Variants in TENM2 observed in about 807,000 individuals in gnomAD.
TENM2 encodes teneurin-2.
Under a neutral mutation model 245.2 loss-of-function variants are expected in TENM2, and 52 were observed. That is an observed-to-expected ratio of 0.21 (90% CI 0.17 to 0.27). TENM2 has a LOEUF of 0.27. Among genes scored for constraint, TENM2 ranks in the 10% least tolerant of loss-of-function variants. The pLI, the probability that TENM2 is intolerant of heterozygous loss-of-function variation, is 1.00. For synonymous variants in TENM2, 1,363 were observed against 1,438.9 expected, an observed-to-expected ratio of 0.95 and a Z score of 1.19; for missense variants, 3,046 against 3,666.8, an observed-to-expected ratio of 0.83 and a Z score of 4.37.
chr5:167,806,443 G>A (rs1376861642), intron 2 of TENM2, among the ~76,000 whole-genome samples: 1 of 152,054 alleles, frequency 6.6e-6, no homozygotes, highest in Non-Finnish European at 1.5e-5. Flanking sequence ...GTCCAGAATA[G>A]CTTCAGACAT....
At chr5:167,516,919 T>C (rs140689938) in intron 2 of TENM2, among the ~76,000 whole-genome samples, 2 of 152,354 alleles carry the variant, frequency 1.3e-5, no homozygotes, top group East Asian at 1.9e-4. Flanking sequence ...GCACAAGATA[T>C]GTATTTTTGA....
chr5:167,854,926 G>A (rs1770929205), intron 2 of TENM2, among the ~76,000 whole-genome samples: 1 of 152,026 alleles, frequency 6.6e-6, no homozygotes, highest in African/African-American at 2.4e-5. Flanking sequence ...GACCTGGATG[G>A]ATTATTCTTA....
At chr5:168,262,490 G>C in exon 29 of TENM2, 1 of 1,559,164 alleles carries the variant, frequency 6.4e-7, no homozygotes, top group East Asian at 2.4e-5. Flanking sequence ...CACGAACATT[G>C]AGTTCCAGTA....
intron 2 of TENM2, among the ~76,000 whole-genome samples, chr5:167,775,703 C>A (rs528715027): frequency 6.6e-6 from 1 of 151,940 alleles, no homozygotes; most frequent in East Asian, 1.9e-4. Flanking sequence ...AAAAAATAAA[C>A]AAGACATGGT....
intron 13 of TENM2, chr5:168,165,186 CAG>C (rs1758106740): frequency 6.6e-6 from 1 of 152,142 alleles, no homozygotes; most frequent in Admixed American, 6.5e-5. Flanking sequence ...TTTCCTGAAA[CAG>C]AGCCAAAGAG....
At chr5:167,715,641 C>G (rs1028687126) in intron 2 of TENM2, among the ~76,000 whole-genome samples, 2 of 152,138 alleles carry the variant, frequency 1.3e-5, no homozygotes, top group Non-Finnish European at 2.9e-5. Context: ...ATTGCTCAAT[C>G]GGTTTCATAT....
chr5:168,192,043 C>G (rs78632218), intron 14 of TENM2, among the ~76,000 whole-genome samples: 5,928 of 152,184 alleles, frequency 0.039, 347 homozygotes, highest in African/African-American at 0.13. Context: ...AATCTCAGCC[C>G]TCTTCTATTT....
chr5:167,925,901 G>A (rs1777720998), intron 3 of TENM2, among the ~76,000 whole-genome samples: 1 of 152,166 alleles, frequency 6.6e-6, no homozygotes. Context: ...GGAGCTAAAT[G>A]ATAAGAACTT....
the TENM2 span, among the ~76,000 whole-genome samples, chr5:167,043,054 A>G: frequency 1.3e-5 from 2 of 152,222 alleles, no homozygotes; most frequent in African/African-American, 4.8e-5. Flanking sequence ...GATCTCCAAA[A>G]TAAATTTGTT....
chr5:167,580,370 G>A (rs1775003398), intron 2 of TENM2, among the ~76,000 whole-genome samples: 1 of 152,210 alleles, frequency 6.6e-6, no homozygotes, highest in African/African-American at 2.4e-5. Flanking sequence ...ATTTACAAAT[G>A]ATGTTTACTG....
intron 25 of TENM2, among the ~76,000 whole-genome samples, chr5:168,239,414 A>C (rs1765892645): frequency 6.6e-6 from 1 of 152,188 alleles, no homozygotes; most frequent in Admixed American, 6.5e-5. Context: ...ACCCACCCTA[A>C]GTTATCCATG....
At chr5:167,349,010 A>G (rs1180176508) in intron 1 of TENM2, among the ~76,000 whole-genome samples, 1 of 152,210 alleles carries the variant, frequency 6.6e-6, no homozygotes, top group Non-Finnish European at 1.5e-5. Flanking sequence ...GTTTCTTCAC[A>G]GCTATATTGA....
At chr5:168,049,400 T>C (rs1023185133) in intron 6 of TENM2, among the ~76,000 whole-genome samples, 1 of 152,262 alleles carries the variant, frequency 6.6e-6, no homozygotes, top group Non-Finnish European at 1.5e-5. Flanking sequence ...TATTCTATCA[T>C]TGGGCACAGA....
intron 8 of TENM2, among the ~76,000 whole-genome samples, chr5:168,093,722 C>T (rs1158306646): frequency 6.6e-6 from 1 of 152,164 alleles, no homozygotes; most frequent in African/African-American, 2.4e-5. Context: ...TGGGCTTGAT[C>T]TCACATCTGG....
chr5:167,180,011 G>C, the TENM2 span, among the ~76,000 whole-genome samples: 1 of 152,108 alleles, frequency 6.6e-6, no homozygotes, highest in African/African-American at 2.4e-5. Context: ...CTTGGGCCAA[G>C]GCTGAGTCCT....
chr5:167,126,789 T>A, the TENM2 span, among the ~76,000 whole-genome samples: 3 of 152,188 alleles, frequency 2.0e-5, no homozygotes, highest in Admixed American at 2.0e-4. Flanking sequence ...TAAATTGCAA[T>A]TGTACAGTTA....
At chr5:167,803,334 T>C (rs966609774) in intron 2 of TENM2, among the ~76,000 whole-genome samples, 3 of 152,092 alleles carry the variant, frequency 2.0e-5, no homozygotes, top group Admixed American at 2.0e-4. Context: ...TTTGAACAGA[T>C]AGAAATTTGA....
the TENM2 span, among the ~76,000 whole-genome samples, chr5:167,205,606 G>A: frequency 6.6e-6 from 1 of 152,048 alleles, no homozygotes; most frequent in African/African-American, 2.4e-5. Context: ...TATCTAAGAT[G>A]CCATATTAGT....
chr5:167,563,790 T>C (rs1447211504), intron 2 of TENM2, among the ~76,000 whole-genome samples: 1 of 152,206 alleles, frequency 6.6e-6, no homozygotes, highest in Non-Finnish European at 1.5e-5. Flanking sequence ...ATACTTATCA[T>C]TGTGTTATAA....
Sources: allele counts gnomAD v4.1 joint callset (sites outside exome capture counted in the v4.1 genomes callset), GRCh38; gene constraint gnomAD v4.1.1; transcripts MANE v1.5; gene names NCBI Gene and HGNC (gene_info 2026-07-23, HGNC 2026-07-21).